SORCS1: variants seen among roughly 807,000 people sequenced by gnomAD.
SORCS1 encodes VPS10 domain-containing receptor SorCS1.
In SORCS1, 60 loss-of-function variants were observed where a neutral mutation model predicts 146.1. The observed-to-expected ratio is 0.41, with a 90% CI of 0.33 to 0.51. The LOEUF is 0.51. Ranked by LOEUF, SORCS1 falls within the 20% of genes least tolerant of loss-of-function variation. SORCS1 has a pLI of 0.21. For missense variants in SORCS1, 1,352 were observed against 1,487.6 expected, an observed-to-expected ratio of 0.91 and a Z score of 1.50; for synonymous variants, 637 against 584.0, an observed-to-expected ratio of 1.09 and a Z score of -1.31.
intron 7 of SORCS1, among the ~76,000 whole-genome samples, chr10:106,707,857 T>G (rs1854644193): frequency 6.6e-6 from 1 of 151,800 alleles, no homozygotes; most frequent in African/African-American, 2.4e-5. Context: ...ATGCCTGGAG[T>G]TTCAATGACA....
intron 9 of SORCS1, among the ~76,000 whole-genome samples, chr10:106,696,066 T>C (rs1169827079): frequency 6.6e-6 from 1 of 152,198 alleles, no homozygotes; most frequent in Non-Finnish European, 1.5e-5. Flanking sequence ...TGTTTATACA[T>C]TATACAGTTC....
At chr10:107,114,918 T>C (rs946681639) in intron 1 of SORCS1, among the ~76,000 whole-genome samples, 4 of 152,082 alleles carry the variant, frequency 2.6e-5, no homozygotes, top group Admixed American at 1.3e-4. Flanking sequence ...CAGGAAATAA[T>C]ATCGACATAC....
intron 5 of SORCS1, among the ~76,000 whole-genome samples, chr10:106,751,418 C>T (rs4917485): frequency 6.6e-6 from 1 of 152,182 alleles, no homozygotes; most frequent in Admixed American, 6.5e-5. Context: ...AAAGGGCTTT[C>T]TGAGTTCTTC....
intron 1 of SORCS1, among the ~76,000 whole-genome samples, chr10:106,972,832 T>C (rs1007807131): frequency 2.0e-5 from 3 of 152,232 alleles, no homozygotes; most frequent in African/African-American, 7.2e-5. Context: ...ACACAGTATG[T>C]CATTTAATCC....
chr10:106,899,388 C>T (rs1409599391), intron 2 of SORCS1, among the ~76,000 whole-genome samples: 1 of 152,166 alleles, frequency 6.6e-6, no homozygotes, highest in Non-Finnish European at 1.5e-5. Flanking sequence ...AAATAAGCAA[C>T]ATCCTGCCCT....
chr10:106,730,570 G>A (rs1413950010), intron 5 of SORCS1, among the ~76,000 whole-genome samples: 1 of 152,272 alleles, frequency 6.6e-6, no homozygotes, highest in African/African-American at 2.4e-5. Flanking sequence ...AACAAACCCT[G>A]TGACTCAACC....
intron 1 of SORCS1, among the ~76,000 whole-genome samples, chr10:106,989,197 G>C (rs536301480): frequency 6.8e-6 from 1 of 146,574 alleles, no homozygotes; most frequent in East Asian, 2.0e-4. Context: ...TTGAACCCAG[G>C]AGGCAGAGAA....
chr10:107,012,406 G>A (rs528904244), intron 1 of SORCS1, among the ~76,000 whole-genome samples: 2 of 152,334 alleles, frequency 1.3e-5, no homozygotes, highest in African/African-American at 4.8e-5. Flanking sequence ...AGGATTTTTG[G>A]TGGGAATAAT....
intron 3 of SORCS1, among the ~76,000 whole-genome samples, chr10:106,801,087 T>C (rs1202121410): frequency 6.6e-6 from 1 of 152,236 alleles, no homozygotes; most frequent in Non-Finnish European, 1.5e-5. Context: ...AAGTTGTTAA[T>C]CAATGTCTGA....
In SORCS1 at chr10:106,588,860, C is replaced by CAA. The variant is rs778852501; in HGVS notation, c.3265+8489_3265+8490dup. On this transcript the variant is annotated intron_variant, in intron 24 of 25. Transcript: ENST00000263054. ...TGGGTGACAGGGCAAGACTCCATCT[C>CAA]AAAAAAAAAAAAAAAAAAAAAAAAA... Among the ~76,000 whole-genome samples the CAA allele has an allele frequency of 3.8e-3, 134 of 35,100 alleles. 4 individuals carry two copies. The highest frequency in any genetic ancestry group is 5.0e-3 in the African/African-American group (63 of 12,526). The allele number at this position is 35,100 out of a possible 152,430, so 23.0% of individuals were successfully genotyped here.
intron 4 of SORCS1, among the ~76,000 whole-genome samples, chr10:106,773,522 T>A (rs1860186471): frequency 6.6e-6 from 1 of 152,238 alleles, no homozygotes; most frequent in Admixed American, 6.5e-5. Flanking sequence ...CTCTGATTCC[T>A]ACTTGTAGAG....
At chr10:107,034,016 C>G (rs1001797817) in intron 1 of SORCS1, among the ~76,000 whole-genome samples, 1 of 152,132 alleles carries the variant, frequency 6.6e-6, no homozygotes, top group Non-Finnish European at 1.5e-5. Context: ...TCCCCTAGTT[C>G]GTTGGTAGTG....
At chr10:106,983,962 G>C (rs774055045) in intron 1 of SORCS1, among the ~76,000 whole-genome samples, 1 of 152,168 alleles carries the variant, frequency 6.6e-6, no homozygotes, top group Admixed American at 6.5e-5. Flanking sequence ...GAAGTAGGGT[G>C]ATAATTAATA....
chr10:106,814,115 C>T (rs1419375032), intron 3 of SORCS1, among the ~76,000 whole-genome samples: 1 of 152,186 alleles, frequency 6.6e-6, no homozygotes, highest in Non-Finnish European at 1.5e-5. Context: ...ACAAGGTTTT[C>T]TTGGGATCCT....
intron 1 of SORCS1, among the ~76,000 whole-genome samples, chr10:107,125,405 G>C (rs1966658941): frequency 6.6e-6 from 1 of 152,140 alleles, no homozygotes; most frequent in Admixed American, 6.5e-5. Flanking sequence ...TGGAAGTTGG[G>C]AACAGCTTAA....
At position 106,995,787 on chromosome 10, in the gene SORCS1, T is replaced by TA. The variant is rs891474121; in HGVS notation, c.559-39208dup. Among the ~76,000 whole-genome samples the TA allele has an allele frequency of 1.7e-3, 256 of 150,832 alleles. 1 individual carries two copies. Among genetic ancestry groups the TA allele is most frequent in the African/African-American group, 5.7e-3 (234 of 41,052 alleles). On this transcript the variant is annotated intron_variant, in intron 1 of 25. Coordinates refer to ENST00000263054, the MANE Select transcript of SORCS1 (RefSeq NM_052918.5). ...AATAATACAATGCTAAGTGATAATT[T>TA]AAAAAAAAACAAAATCATGATTTTC...
chr10:107,066,277 A>C lies in SORCS1; in HGVS notation c.558+97692T>G, dbSNP rs1212597188. 2.0e-5 allele frequency among the ~76,000 whole-genome samples: 3 copies of C among 152,130 alleles called. No homozygotes were observed. In the East Asian group the frequency reaches 5.8e-4, roughly 29 times the overall value. On this transcript the variant is annotated intron_variant, in intron 1 of 25. Transcript: ENST00000263054. ...ATTCATGAAATATCTTCTACACTTA[A>C]CCCTGGAGTTGTCACTGTACTTTGA...
At chr10:107,126,267 T>C (rs192781923) in intron 1 of SORCS1, among the ~76,000 whole-genome samples, 5 of 152,080 alleles carry the variant, frequency 3.3e-5, no homozygotes. Flanking sequence ...CTCCAATGTC[T>C]GCTCCTAGTT....
chr10:106,618,712 C>A (rs777711665), intron 20 of SORCS1, among the ~76,000 whole-genome samples: 9 of 152,058 alleles, frequency 5.9e-5, no homozygotes, highest in African/African-American at 2.2e-4. Flanking sequence ...CCAGGGTGTA[C>A]GATTTCTGTA....
Sources: gnomAD v4.1 joint callset for allele counts (sites outside exome capture counted in the v4.1 genomes callset) on GRCh38, gnomAD v4.1.1 for gene constraint, MANE v1.5 for transcripts, NCBI Gene and HGNC (gene_info 2026-07-23, HGNC 2026-07-21) for gene names.